CR1: variants seen among roughly 807,000 people sequenced by gnomAD.
CR1 encodes complement C3b/C4b receptor 1 (Knops blood group).
In CR1, 116 loss-of-function variants were observed where a neutral mutation model predicts 187.3. The ratio of observed to expected loss-of-function variants is 0.62; its 90% CI spans 0.53 to 0.72. CR1 has a LOEUF of 0.72. CR1 is among the 30% of genes least tolerant of loss of function. The pLI is 0.00. For synonymous variants in CR1, 576 were observed against 747.1 expected (o/e 0.77, Z 3.73); for missense variants, 1,731 against 2,110.7 (o/e 0.82, Z 3.52).
At position 207,506,065 on chromosome 1, in the gene CR1, G is replaced by A. The variant is rs1489203243; in HGVS notation, c.283G>A (p.Ala95Thr). 1 of 1,613,954 alleles carries A rather than the reference G, an allele frequency of 6.2e-7. No individual in the cohort carries two copies. The highest frequency in any genetic ancestry group is 1.3e-5 in the African/African-American group (1 of 75,052). Residue 95 changes from alanine (A) to threonine (T), a missense_variant, in exon 2 of 47, where the codon GCT (alanine) becomes ACT (threonine). Around this residue, in one of 5 missense-constraint regions of CR1, gnomAD observed 237 missense variants for 240.4 expected, o/e 0.99. Coordinates refer to ENST00000367049, the MANE Select transcript of CR1 (RefSeq NM_000651.6). ...ICLKNSVWTG[A>T]KDRCRRKSCR... ...CCTAAAAAACTCAGTCTGGACTGGT[G>A]CTAAGGACAGGTGCAGACGTAAGTA...
chr1:207,617,507 A>ATATATATGTGTGTG lies in CR1; in HGVS notation c.6890-563_6890-562insATATATGTGTGTGT, dbSNP rs1332301171. On this transcript the variant is annotated intron_variant, in intron 41 of 46. Transcript: ENST00000367049. ...AGTATATATATATATATATATATAT[A>ATATATATGTGTGTG]TGTGTGTGTGTGTGTGTGTGTGTGT... is the stretch of plus-strand genomic sequence containing the variant. Among the ~76,000 whole-genome samples the ATATATATGTGTGTG allele has an allele frequency of 4.5e-4, 21 of 47,030 alleles. 1 individual carries two copies. The highest frequency in any genetic ancestry group is 1.4e-3 in the East Asian group (3 of 2,180). 30.9% of individuals were successfully genotyped at this position (47,030 alleles called of 152,430 possible).
In CR1 at chr1:207,580,356, G is replaced by A. The variant is rs1189542902; in HGVS notation, c.5053G>A (p.Ala1685Thr). ...TGAGCCTGGCTATGACCTCAGAGGG[G>A]CTGCGTCTCTGCACTGCACACCCCA... ...SCEPGYDLRGAASLHCTPQGD... is the reference protein window; with the variant it reads ...SCEPGYDLRGTASLHCTPQGD... The change falls in exon 30 of 47, where the codon GCT (alanine) becomes ACT (threonine). Residue 1685 changes from alanine (A) to threonine (T), a missense_variant. Ala to Thr is a moderately conservative substitution (Grantham distance 58, BLOSUM62 0). Around this residue, in one of 5 missense-constraint regions of CR1, gnomAD observed 1,312 missense variants for 1,379.6 expected, o/e 0.95. Coordinates refer to ENST00000367049, the MANE Select transcript of CR1 (RefSeq NM_000651.6). The A allele has an allele frequency of 1.5e-5, 25 of 1,613,844 alleles. No homozygotes were observed. Among genetic ancestry groups the A allele is most frequent in the Non-Finnish European group, 1.9e-5 (23 of 1,179,876 alleles).
chr1:207,510,838 T>G (rs976888925), intron 3 of CR1, among the ~76,000 whole-genome samples: 1 of 151,498 alleles, frequency 6.6e-6, no homozygotes, highest in East Asian at 1.9e-4. Flanking sequence ...TTTTTTTTTT[T>G]TGATACAATG....
chr1:207,523,458 T>C (rs1165696495), intron 4 of CR1, among the ~76,000 whole-genome samples, 153 bp from the exon 5 acceptor site: 1 of 152,344 alleles, frequency 6.6e-6, no homozygotes, highest in East Asian at 1.9e-4. Context: ...TTATGCCCAT[T>C]GAAGCTACAA....
chr1:207,513,454 AG>A (rs1659683791), intron 4 of CR1, among the ~76,000 whole-genome samples: 1 of 152,274 alleles, frequency 6.6e-6, no homozygotes, highest in East Asian at 1.9e-4. Flanking sequence ...CTCTGGTAAA[AG>A]GTCTGTCTTC....
intron 43 of CR1, among the ~76,000 whole-genome samples, chr1:207,620,482 T>C (rs921128537): frequency 1.3e-5 from 2 of 152,228 alleles, no homozygotes; most frequent in African/African-American, 4.8e-5. Flanking sequence ...TTACGTATCA[T>C]TGAGCTCTGT....
At chr1:207,587,612 G>A in intron 34 of CR1, 47 bp downstream of exon 34, 2 of 1,565,002 alleles carry the variant, frequency 1.3e-6, no homozygotes, top group Non-Finnish European at 1.7e-6. Flanking sequence ...TTAAAGCATA[G>A]GTGGGACCGG....
chr1:207,596,661 T>C (rs1233289999), intron 35 of CR1, among the ~76,000 whole-genome samples: 10 of 150,608 alleles, frequency 6.6e-5, no homozygotes, highest in Admixed American at 2.6e-4. Context: ...CAAAAATGTT[T>C]AAGAGTGAAA....
intron 39 of CR1, 65 bp downstream of exon 39, chr1:207,612,106 G>A (rs1184748631): frequency 1.5e-5 from 23 of 1,519,784 alleles, no homozygotes; most frequent in Non-Finnish European, 2.1e-5. Context: ...GAGATCAGGG[G>A]TTAATCCAAT....
intron 37 of CR1, among the ~76,000 whole-genome samples, 162 bp downstream of exon 37, chr1:207,609,850 G>T (rs1661870099): frequency 1.3e-5 from 2 of 152,128 alleles, no homozygotes; most frequent in African/African-American, 2.4e-5. Flanking sequence ...CAAAGTAATG[G>T]CTTATTCTCT....
At chr1:207,615,840 T>C (rs1662075012) in intron 40 of CR1, among the ~76,000 whole-genome samples, 1 of 152,154 alleles carries the variant, frequency 6.6e-6, no homozygotes, top group African/African-American at 2.4e-5. Context: ...AATTCAAGCA[T>C]GAGAAGTCAA....
intron 3 of CR1, among the ~76,000 whole-genome samples, chr1:207,509,876 A>G (rs527626881): frequency 1.4e-4 from 21 of 152,206 alleles, no homozygotes; most frequent in Non-Finnish European, 2.9e-4. Context: ...TTGGCAGTGC[A>G]ATAGAAAATG....
chr1:207,589,221 CAG>C (rs1292738118), intron 35 of CR1, among the ~76,000 whole-genome samples: 1 of 152,138 alleles, frequency 6.6e-6, no homozygotes, highest in Non-Finnish European at 1.5e-5. Flanking sequence ...AAAGTGCACA[CAG>C]AGAGGAGACA....
chr1:207,628,814 A>C (rs367790982), intron 45 of CR1, among the ~76,000 whole-genome samples: 5 of 152,258 alleles, frequency 3.3e-5, no homozygotes, highest in Middle Eastern at 3.4e-3. Context: ...TGGTATATTG[A>C]ACCAGTATCT....
intron 39 of CR1, among the ~76,000 whole-genome samples, chr1:207,614,116 T>C (rs1662023526): frequency 6.6e-6 from 1 of 152,174 alleles, no homozygotes; most frequent in Non-Finnish European, 1.5e-5. Flanking sequence ...CTTCTGTAGG[T>C]GATGCTGGGC....
intron 35 of CR1, among the ~76,000 whole-genome samples, chr1:207,597,720 A>G (rs936767848): frequency 9.2e-5 from 14 of 152,238 alleles, no homozygotes; most frequent in African/African-American, 3.4e-4. Context: ...TAGAATTACC[A>G]TATAACCAGC....
At chr1:207,617,602 TATATATATATAGAGAGAGAGAGAG>T (rs1159346293) in intron 41 of CR1, among the ~76,000 whole-genome samples, 687 of 30,018 alleles carry the variant, frequency 0.023, 6 homozygotes, top group Non-Finnish European at 0.031. Flanking sequence ...TATATATATA[TATATATATATAGAGAGAGAGAGAG>T]AGAGAGAGAG....
At chr1:207,580,822 A>C (rs528940032) in intron 31 of CR1, among the ~76,000 whole-genome samples, 28 of 152,298 alleles carry the variant, frequency 1.8e-4, no homozygotes, top group African/African-American at 5.1e-4. Context: ...CATATAACTG[A>C]GTGTCAAGTA....
intron 45 of CR1, among the ~76,000 whole-genome samples, chr1:207,627,706 T>C (rs1662523409): frequency 6.6e-6 from 1 of 152,056 alleles, no homozygotes; most frequent in Non-Finnish European, 1.5e-5. Context: ...AGCCAATGAG[T>C]TTAAGGCCAG....
Sources: gnomAD v4.1 joint callset for allele counts (sites outside exome capture counted in the v4.1 genomes callset) on GRCh38, gnomAD v4.1.1 for gene constraint, gnomAD v4.1.1 regional missense constraint, MANE v1.5 for transcripts, NCBI Gene and HGNC (gene_info 2026-07-23, HGNC 2026-07-21) for gene names.